The following GIGYF2 variants were observed in gnomAD, a reference collection of about 807,000 sequenced individuals.
GIGYF2 encodes GRB10-interacting GYF protein 2.
Under a neutral mutation model 208.1 loss-of-function variants are expected in GIGYF2, and 25 were observed. That is an observed-to-expected ratio of 0.12 (90% CI 0.09 to 0.17). The LOEUF (loss-of-function observed/expected upper bound fraction) is 0.17. GIGYF2 is among the 10% of genes least tolerant of loss of function. The pLI is 1.00. For missense variants in GIGYF2, 1,302 were observed against 1,579.4 expected, an observed-to-expected ratio of 0.82 and a Z score of 2.98; for synonymous variants, 534 against 543.8, an observed-to-expected ratio of 0.98 and a Z score of 0.25.
chr2:232,768,433 T>C, intron 8 of GIGYF2: 1 of 1,614,212 alleles, frequency 6.2e-7, no homozygotes, highest in Non-Finnish European at 8.5e-7. Context: ...CTTTGGCATA[T>C]TTCTCCAGTG....
intron 20 of GIGYF2, among the ~76,000 whole-genome samples, chr2:232,819,190 T>A (rs1701002363): frequency 6.6e-6 from 1 of 152,208 alleles, no homozygotes. Flanking sequence ...AGAACTACGG[T>A]TAATTCTTAG....
chr2:232,781,496 G>T (rs973199192), intron 8 of GIGYF2, among the ~76,000 whole-genome samples: 4 of 152,004 alleles, frequency 2.6e-5, no homozygotes, highest in African/African-American at 9.7e-5. Flanking sequence ...GTGTATTTTT[G>T]TGACTGAAGT....
chr2:232,727,565 C>T (rs775912214), intron 2 of GIGYF2, among the ~76,000 whole-genome samples: 1 of 152,156 alleles, frequency 6.6e-6, no homozygotes. Context: ...ATTTTAGTTA[C>T]AGAGAATGTG....
At chr2:232,779,983 G>A (rs1249414314) in intron 8 of GIGYF2, among the ~76,000 whole-genome samples, 3 of 152,168 alleles carry the variant, frequency 2.0e-5, no homozygotes, top group East Asian at 3.9e-4. Context: ...TCTGAACAGA[G>A]TAATACAAAG....
intron 9 of GIGYF2, chr2:232,788,629 A>G (rs1181308570): frequency 2.1e-6 from 1 of 467,708 alleles, no homozygotes; most frequent in Admixed American, 2.4e-5. Flanking sequence ...TTTTGAGCCC[A>G]AATGTCTGAT....
chr2:232,827,710 CT>C (rs970087681), intron 21 of GIGYF2, among the ~76,000 whole-genome samples: 11 of 152,144 alleles, frequency 7.2e-5, no homozygotes, highest in African/African-American at 2.7e-4. Flanking sequence ...CAGTTATTTT[CT>C]GTCTTCTACT....
rs1210564243 is a variant in GIGYF2, at chr2:232,747,839, T to C, written c.171+95T>C. 17 of 1,203,612 alleles carry C rather than the reference T, an allele frequency of 1.4e-5. No individual in the cohort carries two copies. In the South Asian group the frequency reaches 1.9e-4, roughly 13 times the overall value. 74.6% of individuals were successfully genotyped at this position (1,203,612 alleles called of 1,614,324 possible). A position where few individuals can be genotyped will look rare whatever the true frequency, so the allele number is the denominator to read the frequency against. On this transcript the variant is annotated intron_variant, in intron 4 of 28. Transcript: ENST00000373563. ...CATGAAAACTGATTTATTTTACTAA[T>C]GTATTGACCCATGCCTTTCCACCTT... is the stretch of plus-strand genomic sequence containing the variant.
intron 1 of GIGYF2, among the ~76,000 whole-genome samples, chr2:232,699,028 T>A (rs1025201832): frequency 6.6e-6 from 1 of 152,058 alleles, no homozygotes; most frequent in African/African-American, 2.4e-5. Flanking sequence ...TCTAGACAGA[T>A]AAATAGGTAA....
At position 232,735,147 on chromosome 2, in the gene GIGYF2, G is replaced by A. The variant is rs938366285; in HGVS notation, c.-43-8G>A. On this transcript the variant is annotated splice_region_variant and splice_polypyrimidine_tract_variant and intron_variant, in intron 2 of 28. Transcript: ENST00000373563. ...CTAATAGTATGGAGATATTTTTCTC[G>A]TTAACAGGTTTCTTCACATATAAAA... The A allele has an allele frequency of 4.8e-6, 6 of 1,246,008 alleles. No individual in the cohort carries two copies. The highest frequency in any genetic ancestry group is 4.7e-6 in the Non-Finnish European group (4 of 847,586). 77.2% of individuals were successfully genotyped at this position (1,246,008 alleles called of 1,614,324 possible). A position where few individuals can be genotyped will look rare whatever the true frequency, so the allele number is the denominator to read the frequency against.
At chr2:232,786,872 T>C (rs2106360035) in intron 8 of GIGYF2, among the ~76,000 whole-genome samples, 1 of 152,326 alleles carries the variant, frequency 6.6e-6, no homozygotes, top group African/African-American at 2.4e-5. Context: ...AGTACGACTC[T>C]GAGGGTCTTG....
intron 12 of GIGYF2, 28 bp downstream of exon 12, chr2:232,791,474 A>G (rs754775834): frequency 7.5e-6 from 12 of 1,592,598 alleles, no homozygotes; most frequent in East Asian, 2.3e-5. Flanking sequence ...TAGACAAGCT[A>G]AAATAGGATT....
At chr2:232,735,028 C>CA in intron 2 of GIGYF2, 127 bp from the exon 3 acceptor site, 1 of 617,890 alleles carries the variant, frequency 1.6e-6, no homozygotes, top group East Asian at 2.8e-5. Flanking sequence ...GTAGGAATTT[C>CA]AAAATCTCAT....
At position 232,800,839 on chromosome 2, in the gene GIGYF2, C is replaced by T. The variant is rs112168157; in HGVS notation, c.1639+4618C>T. On this transcript the variant is annotated intron_variant, in intron 14 of 28. Transcript: ENST00000373563. ...GCTGAGACCAGAGGACTGCTTGAGT[C>T]CAGGAGTTTGAGATCAGCCTGGGCA... is the stretch of plus-strand genomic sequence containing the variant. Among the ~76,000 whole-genome samples, 910 of 152,222 alleles carry T rather than the reference C, an allele frequency of 6.0e-3. 12 individuals carry two copies. Among genetic ancestry groups the T allele is most frequent in the African/African-American group, 0.021 (860 of 41,532 alleles).
chr2:232,775,412 C>T (rs1699470377), intron 8 of GIGYF2, among the ~76,000 whole-genome samples: 1 of 152,094 alleles, frequency 6.6e-6, no homozygotes, highest in African/African-American at 2.4e-5. Flanking sequence ...AACATATTTC[C>T]ACTTCCTACA....
At chr2:232,719,957 G>A (rs901042837) in intron 2 of GIGYF2, among the ~76,000 whole-genome samples, 3 of 151,946 alleles carry the variant, frequency 2.0e-5, no homozygotes, top group Non-Finnish European at 4.4e-5. Flanking sequence ...TGTGCACAAC[G>A]TGCAGTTTTG....
At chr2:232,720,585 TTTTG>T (rs71056294) in intron 2 of GIGYF2, among the ~76,000 whole-genome samples, 22 of 126,358 alleles carry the variant, frequency 1.7e-4, no homozygotes, top group African/African-American at 4.9e-4. Flanking sequence ...ATATATATAT[TTTTG>T]TTTGTTTGTT....
At chr2:232,757,771 C>T (rs989646424) in intron 6 of GIGYF2, among the ~76,000 whole-genome samples, 2 of 134,806 alleles carry the variant, frequency 1.5e-5, no homozygotes, top group African/African-American at 5.5e-5. Flanking sequence ...TGAACAGCAC[C>T]CCCCGCCCCC....
At position 232,733,190 on chromosome 2, in the gene GIGYF2, G is replaced by T. The variant is rs190879459; in HGVS notation, c.-43-1965G>T. ...GAGAATGGTGTGAACCCGGGAGGCGGAGCTTACAGTGAGCCGTGATCGCGC... is the reference window on the plus strand; with the variant it reads ...GAGAATGGTGTGAACCCGGGAGGCGTAGCTTACAGTGAGCCGTGATCGCGC... On this transcript the variant is annotated intron_variant, in intron 2 of 28. Transcript: ENST00000373563. Among the ~76,000 whole-genome samples the T allele has an allele frequency of 5.5e-4, 83 of 151,412 alleles. 3 individuals are homozygous for T. The East Asian group carries it at 0.016, about 29-fold the overall frequency.
At position 232,806,793 on chromosome 2, in the gene GIGYF2, T is replaced by A; in HGVS notation, c.1806+136T>A. On this transcript the variant is annotated intron_variant, in intron 15 of 28. Transcript: ENST00000373563. The surrounding 1 kb of genome is among the most constrained non-coding windows in gnomAD (Gnocchi z 4.0). ...AATTAATGGAAATGGTAAGGGAAAG[T>A]CTGAATGGAAGACTGAATACTTAGC... 1.3e-6 allele frequency: 1 copy of A among 780,498 alleles called. No individual in the cohort carries two copies. Among genetic ancestry groups the A allele is most frequent in the Middle Eastern group, 2.6e-4 (1 of 3,846 alleles). 48.3% of individuals were successfully genotyped at this position (780,498 alleles called of 1,614,324 possible).
Sources: allele counts gnomAD v4.1 joint callset (sites outside exome capture counted in the v4.1 genomes callset), GRCh38; gene constraint gnomAD v4.1.1; non-coding constraint Gnocchi (gnomAD v3.1); transcripts MANE v1.5; gene names NCBI Gene and HGNC (gene_info 2026-07-23, HGNC 2026-07-21).